BABAM2: variants seen among roughly 807,000 people sequenced by gnomAD.
BABAM2 encodes BRISC and BRCA1 A complex member 2.
BABAM2 carries 31 observed loss-of-function variants against 54.7 expected under a neutral mutation model. That is an observed-to-expected ratio of 0.57 (90% CI 0.43 to 0.77). BABAM2 has a LOEUF of 0.77. BABAM2 is among the 30% of genes least tolerant of loss of function. The pLI, the probability that BABAM2 is intolerant of heterozygous loss-of-function variation, is 0.00. For missense variants in BABAM2, 364 were observed against 455.8 expected (o/e 0.80, Z 1.83); for synonymous variants, 167 against 162.9 (o/e 1.03, Z -0.19).
intron 2 of BABAM2, among the ~76,000 whole-genome samples, chr2:27,921,167 A>G (rs556381243): frequency 8.1e-4 from 124 of 152,278 alleles, no homozygotes; most frequent in African/African-American, 3.0e-3. Flanking sequence ...ATCAGTGAAC[A>G]GTGTCATCAT....
chr2:28,078,007 T>C (rs1257622831), intron 6 of BABAM2, among the ~76,000 whole-genome samples: 1 of 152,160 alleles, frequency 6.6e-6, no homozygotes, highest in Non-Finnish European at 1.5e-5. Context: ...GGGTCAACTA[T>C]TGTACAAAGA....
chr2:28,087,413 G>T (rs1665755631), intron 6 of BABAM2, among the ~76,000 whole-genome samples: 1 of 152,084 alleles, frequency 6.6e-6, no homozygotes, highest in Non-Finnish European at 1.5e-5. Flanking sequence ...GTGAGTCCTA[G>T]GATGTCAGCA....
intron 7 of BABAM2, among the ~76,000 whole-genome samples, chr2:28,235,334 G>T (rs756386476): frequency 1.3e-5 from 2 of 151,860 alleles, no homozygotes; most frequent in African/African-American, 2.4e-5. Flanking sequence ...ATGCCACCAC[G>T]CCCAGCTAAT....
intron 7 of BABAM2, among the ~76,000 whole-genome samples, chr2:28,190,048 T>C (rs1676734105): frequency 6.6e-6 from 1 of 152,164 alleles, no homozygotes; most frequent in Non-Finnish European, 1.5e-5. Context: ...AGAGAAAGGA[T>C]AATCATTTCA....
intron 7 of BABAM2, among the ~76,000 whole-genome samples, chr2:28,218,539 A>G (rs146982956): frequency 6.6e-6 from 1 of 152,238 alleles, no homozygotes; most frequent in Non-Finnish European, 1.5e-5. Context: ...AATCGGATTT[A>G]TATGTGTGAC....
At chr2:28,153,239 A>G (rs1672226241) in intron 7 of BABAM2, among the ~76,000 whole-genome samples, 2 of 152,078 alleles carry the variant, frequency 1.3e-5, no homozygotes, top group South Asian at 4.1e-4. Context: ...ATTTTTGCTT[A>G]TGTATTTTAC....
At chr2:28,130,312 C>G (rs1201566884) in intron 7 of BABAM2, among the ~76,000 whole-genome samples, 1 of 152,162 alleles carries the variant, frequency 6.6e-6, no homozygotes, top group African/African-American at 2.4e-5. Flanking sequence ...GACACATCAT[C>G]TTAAAAACCA....
intron 10 of BABAM2, among the ~76,000 whole-genome samples, chr2:28,266,865 A>G: frequency 6.6e-6 from 1 of 152,246 alleles, no homozygotes; most frequent in Non-Finnish European, 1.5e-5. Flanking sequence ...TGTAAGAAAT[A>G]GTACAAAAGG....
intron 6 of BABAM2, among the ~76,000 whole-genome samples, chr2:28,117,408 A>G (rs1240462713): frequency 6.6e-6 from 1 of 152,144 alleles, no homozygotes; most frequent in Non-Finnish European, 1.5e-5. Flanking sequence ...GTGAAGGAAA[A>G]CCACTTCAAA....
intron 7 of BABAM2, among the ~76,000 whole-genome samples, chr2:28,204,907 C>A (rs1678669401): frequency 6.6e-6 from 1 of 151,734 alleles, no homozygotes; most frequent in Non-Finnish European, 1.5e-5. Context: ...TTAACTAATT[C>A]TTGTCAGTGA....
intron 2 of BABAM2, among the ~76,000 whole-genome samples, chr2:27,915,856 TC>T (rs1487840063): frequency 7.2e-5 from 11 of 152,146 alleles, no homozygotes; most frequent in Non-Finnish European, 1.3e-4. Context: ...CTCTACTTTT[TC>T]ATTTTCTTTT....
intron 7 of BABAM2, among the ~76,000 whole-genome samples, chr2:28,233,979 T>G (rs181918450): frequency 6.6e-6 from 1 of 152,122 alleles, no homozygotes; most frequent in Non-Finnish European, 1.5e-5. Flanking sequence ...CCCCTCATCA[T>G]TTGGGATGCT....
In BABAM2 at chr2:28,018,207, T is replaced by G. The variant is rs537358289; in HGVS notation, c.301-7019T>G. Among the ~76,000 whole-genome samples, 3 of 152,330 alleles carry G rather than the reference T, an allele frequency of 2.0e-5. No homozygotes were observed. The South Asian group carries it at 6.2e-4, about 32-fold the overall frequency. ...TTATACCTTTGTGTCCTCATTCTTATACATTTGTGTCCTCGTAGCTTAGCT... is the reference window on the plus strand; with the variant it reads ...TTATACCTTTGTGTCCTCATTCTTAGACATTTGTGTCCTCGTAGCTTAGCT... On this transcript the variant is annotated intron_variant, in intron 4 of 11. Transcript: ENST00000379624.
intron 7 of BABAM2, among the ~76,000 whole-genome samples, chr2:28,156,939 A>G (rs1184350901): frequency 6.6e-6 from 1 of 152,216 alleles, no homozygotes; most frequent in Non-Finnish European, 1.5e-5. Flanking sequence ...ATTGATAGAA[A>G]TCTCTTTCAC....
intron 7 of BABAM2, among the ~76,000 whole-genome samples, chr2:28,227,822 C>A (rs1681028940): frequency 6.6e-6 from 1 of 152,170 alleles, no homozygotes; most frequent in Non-Finnish European, 1.5e-5. Flanking sequence ...GGTTAGCATG[C>A]ACATTCCCAG....
intron 11 of BABAM2, among the ~76,000 whole-genome samples, chr2:28,319,250 C>A (rs968035994): frequency 7.2e-5 from 11 of 152,214 alleles, no homozygotes; most frequent in Admixed American, 5.9e-4. Context: ...GTCACCTTGG[C>A]CAGTAAGAAC....
At chr2:27,993,916 C>T (rs1672951252) in intron 4 of BABAM2, among the ~76,000 whole-genome samples, 2 of 152,132 alleles carry the variant, frequency 1.3e-5, no homozygotes, top group African/African-American at 2.4e-5. Flanking sequence ...CCAGTATACA[C>T]AAAATATATA....
intron 5 of BABAM2, among the ~76,000 whole-genome samples, chr2:28,042,254 T>TA (rs1558680936): frequency 6.6e-6 from 1 of 152,150 alleles, no homozygotes; most frequent in South Asian, 2.1e-4. Flanking sequence ...AATTTGAATT[T>TA]AAAAAAAGGT....
intron 6 of BABAM2, among the ~76,000 whole-genome samples, chr2:28,093,277 T>G (rs1469422347): frequency 6.6e-6 from 1 of 152,142 alleles, no homozygotes; most frequent in Non-Finnish European, 1.5e-5. Context: ...TTGGGTTGTT[T>G]TGTTTTGTTT....
Sources: gnomAD v4.1 joint callset for allele counts (sites outside exome capture counted in the v4.1 genomes callset) on GRCh38, gnomAD v4.1.1 for gene constraint, MANE v1.5 for transcripts, NCBI Gene and HGNC (gene_info 2026-07-23, HGNC 2026-07-21) for gene names.